The following ADCY5 variants were observed in gnomAD, a reference collection of about 807,000 sequenced individuals.
ADCY5 encodes the protein adenylate cyclase type 5.
Under a neutral mutation model 119.7 loss-of-function variants are expected in ADCY5, and 30 were observed. The observed-to-expected ratio is 0.25, with a 90% CI of 0.19 to 0.34. The LOEUF (loss-of-function observed/expected upper bound fraction) is 0.34. ADCY5 is among the 10% of genes least tolerant of loss of function. ADCY5 has a pLI of 1.00. For synonymous variants in ADCY5, 753 were observed against 762.2 expected (o/e 0.99, Z 0.20); for missense variants, 1,324 against 1,775.2 (o/e 0.75, Z 4.57).
Position 123,327,766 on chromosome 3 carries a change from G to C in ADCY5, c.1806-7C>G, listed in dbSNP as rs377157807. ...CTTGGTGATGTGGATGCGTCTACAGGGGGGCAGGGATCAGGGTGGAGAGGG... is the reference window on the plus strand; with the variant it reads ...CTTGGTGATGTGGATGCGTCTACAGCGGGGCAGGGATCAGGGTGGAGAGGG... On this transcript the variant is annotated splice_polypyrimidine_tract_variant and splice_region_variant and intron_variant, in intron 6 of 20. Coordinates refer to ENST00000462833, the MANE Select transcript of ADCY5 (RefSeq NM_183357.3). 6.8e-5 allele frequency: 109 copies of C among 1,613,866 alleles called. No individual in the cohort carries two copies. The highest frequency in any genetic ancestry group is 1.6e-4 in the East Asian group (7 of 44,892).
chr3:123,424,346 A>G (rs1032578905), intron 1 of ADCY5, among the ~76,000 whole-genome samples: 5 of 152,210 alleles, frequency 3.3e-5, no homozygotes, highest in Non-Finnish European at 5.9e-5. Context: ...GCAGGAGCCA[A>G]GTTTCCCTCC....
Position 123,286,307 on chromosome 3 carries a change from C to T in ADCY5, c.3657+378G>A, listed in dbSNP as rs566229998. 1.3e-5 allele frequency among the ~76,000 whole-genome samples: 2 copies of T among 152,266 alleles called. No individual in the cohort carries two copies. Among genetic ancestry groups the T allele is most frequent in the South Asian group, 2.1e-4 (1 of 4,826 alleles). On this transcript the variant is annotated intron_variant, in intron 20 of 20. Coordinates refer to ENST00000462833, the MANE Select transcript of ADCY5 (RefSeq NM_183357.3). The surrounding 1 kb of genome is among the most constrained non-coding windows in gnomAD (Gnocchi z 4.2). ...CTCCTGAGCCAGGCCAGGAGTGCTG[C>T]AGGCTCAATGGGTAAGACCTGCTCC...
At chr3:123,419,886 A>G (rs1945265930) in intron 1 of ADCY5, among the ~76,000 whole-genome samples, 1 of 150,898 alleles carries the variant, frequency 6.6e-6, no homozygotes, top group South Asian at 2.1e-4. Context: ...CCCCGTGCTC[A>G]TTTTATTCTA....
chr3:123,291,527 C>T, intron 17 of ADCY5, 151 bp from the exon 18 acceptor site: 1 of 906,770 alleles, frequency 1.1e-6, no homozygotes. Context: ...GCTGTCTCTC[C>T]TCCTCTCTCT....
chr3:123,415,550 G>A (rs550347758), intron 1 of ADCY5, among the ~76,000 whole-genome samples: 2 of 152,250 alleles, frequency 1.3e-5, no homozygotes, highest in South Asian at 2.1e-4. Flanking sequence ...CTGCGGGACC[G>A]TTTAGAAAAT....
In ADCY5 at chr3:123,387,265, A is replaced by G. The variant is rs904663872; in HGVS notation, c.1135-34684T>C. ...TCATTGGTATCAGGCTTTGAAATGCATCGATGCTTTTTAATACATTTACCT... is the reference window on the plus strand; with the variant it reads ...TCATTGGTATCAGGCTTTGAAATGCGTCGATGCTTTTTAATACATTTACCT... On this transcript the variant is annotated intron_variant, in intron 1 of 20. Transcript: ENST00000462833. Among the ~76,000 whole-genome samples, 7 of 152,338 alleles carry G rather than the reference A, an allele frequency of 4.6e-5. No individual in the cohort carries two copies. The East Asian group carries it at 7.7e-4, about 17-fold the overall frequency.
Position 123,388,460 on chromosome 3 carries a change from G to A in ADCY5, c.1135-35879C>T, listed in dbSNP as rs1233409386. Reference sequence around the variant, plus strand: ...CGTGAGGACAGTGGGGTGGATGAGTGAGGGGTACACATGATGGGTTTAAGG... The same window carrying A: ...CGTGAGGACAGTGGGGTGGATGAGTAAGGGGTACACATGATGGGTTTAAGG... On this transcript the variant is annotated intron_variant, in intron 1 of 20. Transcript: ENST00000462833. Among the ~76,000 whole-genome samples the A allele has an allele frequency of 3.4e-4, 52 of 152,184 alleles. 1 individual carries two copies. Among genetic ancestry groups the A allele is most frequent in the Admixed American group, 3.3e-3 (50 of 15,282 alleles).
chr3:123,373,410 G>A (rs746299873), intron 1 of ADCY5, among the ~76,000 whole-genome samples: 17 of 152,240 alleles, frequency 1.1e-4, no homozygotes, highest in Non-Finnish European at 2.5e-4. Flanking sequence ...CCAGAGGGAT[G>A]GAGAACTCTT....
At chr3:123,396,826 G>GAGAGAGAGAGAGAGAGAGAGAC (rs1424617842) in intron 1 of ADCY5, among the ~76,000 whole-genome samples, 1 of 150,406 alleles carries the variant, frequency 6.6e-6, no homozygotes, top group Non-Finnish European at 1.5e-5. Context: ...AGGCGAGAGA[G>GAGAGAGAGAGAGAGAGAGAGAC]AGAGAGAGAG....
At position 123,352,422 on chromosome 3, in the gene ADCY5, C is replaced by T. The variant is rs1440124354; in HGVS notation, c.1284+10G>A. 3.1e-6 allele frequency: 5 copies of T among 1,609,322 alleles called. No homozygotes were observed. The highest frequency in any genetic ancestry group is 4.2e-6 in the Non-Finnish European group (5 of 1,178,870). ...CCGTCCCACTGTGCAAGGGCAGGGGCCTCACTCACCTGCTGCTGGTTCTCC... is the reference window on the plus strand; with the variant it reads ...CCGTCCCACTGTGCAAGGGCAGGGGTCTCACTCACCTGCTGCTGGTTCTCC... On this transcript the variant is annotated intron_variant, in intron 2 of 20. Transcript: ENST00000462833. This position sits in a 1 kb window ranked among gnomAD's most constrained non-coding sequence, Gnocchi z 4.8.
intron 12 of ADCY5, among the ~76,000 whole-genome samples, chr3:123,310,483 T>A (rs1346562440): frequency 1.3e-5 from 2 of 152,166 alleles, no homozygotes; most frequent in Non-Finnish European, 2.9e-5. Context: ...GGCCCACCCC[T>A]TGCAGGGTTA....
In ADCY5 at chr3:123,328,687, C is replaced by T. The variant is rs2108390731; in HGVS notation, c.1762G>A (p.Asp588Asn). 6.2e-7 allele frequency: 1 copy of T among 1,614,202 alleles called. No individual in the cohort carries two copies. Among genetic ancestry groups the T allele is most frequent in the Non-Finnish European group, 8.5e-7 (1 of 1,180,038 alleles). ...TCCATGTGGTTGGCTAGCGTGACAT[C>T]GTTAGACCAGACGTCGAACTGCCAC... Reference protein sequence around the residue: ...RKWQFDVWSNDVTLANHMEAG... With the variant: ...RKWQFDVWSNNVTLANHMEAG... The change falls in exon 6 of 21, where the codon GAT (aspartate) becomes AAT (asparagine). Residue 588 changes from aspartate (D) to asparagine (N), a missense_variant. Asp to Asn is a conservative substitution (Grantham distance 23, BLOSUM62 1). Around this residue, in one of 6 missense-constraint regions of ADCY5, gnomAD observed 123 missense variants for 287.9 expected, o/e 0.43. Transcript: ENST00000462833.
intron 3 of ADCY5, among the ~76,000 whole-genome samples, chr3:123,333,139 C>G (rs1350740416): frequency 6.6e-6 from 1 of 152,166 alleles, no homozygotes; most frequent in Admixed American, 6.5e-5. Context: ...GGAGCCCTCA[C>G]GAATGGATTA....
intron 11 of ADCY5, among the ~76,000 whole-genome samples, chr3:123,315,510 C>T (rs1940865424): frequency 6.6e-6 from 1 of 152,124 alleles, no homozygotes. Context: ...GAAGGAAAAG[C>T]AGCAAAGAGG....
chr3:123,426,575 C>A, intron 1 of ADCY5, among the ~76,000 whole-genome samples: 1 of 152,118 alleles, frequency 6.6e-6, no homozygotes, highest in East Asian at 1.9e-4. Flanking sequence ...AGGTGATCTG[C>A]CCATCTCAGC....
chr3:123,393,836 C>T (rs1386524440), intron 1 of ADCY5, among the ~76,000 whole-genome samples: 2 of 141,002 alleles, frequency 1.4e-5, no homozygotes, highest in African/African-American at 5.1e-5. Flanking sequence ...TGCACAACAA[C>T]AACAGCTTTT....
At chr3:123,300,021 G>T in intron 15 of ADCY5, 99 bp downstream of exon 15, 3 of 1,322,338 alleles carry the variant, frequency 2.3e-6, no homozygotes, top group Non-Finnish European at 3.2e-6. Context: ...TACTCTCCTC[G>T]CAAGTTCCCT....
At chr3:123,361,955 T>A (rs1285994763) in intron 1 of ADCY5, among the ~76,000 whole-genome samples, 2 of 152,236 alleles carry the variant, frequency 1.3e-5, no homozygotes, top group Non-Finnish European at 2.9e-5. Flanking sequence ...GCATTTTGGA[T>A]TTCAAATTTT....
At chr3:123,371,543 C>G (rs1943642371) in intron 1 of ADCY5, among the ~76,000 whole-genome samples, 1 of 152,204 alleles carries the variant, frequency 6.6e-6, no homozygotes, top group Admixed American at 6.5e-5. Flanking sequence ...GTACTGTCTC[C>G]CAGGGGAAGT....
Sources: gnomAD v4.1 joint callset for allele counts (sites outside exome capture counted in the v4.1 genomes callset) on GRCh38, gnomAD v4.1.1 for gene constraint, gnomAD v4.1.1 regional missense constraint, Gnocchi (gnomAD v3.1) non-coding constraint, MANE v1.5 for transcripts, NCBI Gene and HGNC (gene_info 2026-07-23, HGNC 2026-07-21) for gene names.